Variants in SPTBN2 observed in about 807,000 individuals in gnomAD.
SPTBN2 encodes spectrin beta chain, non-erythrocytic 2.
In SPTBN2, 107 loss-of-function variants were observed where a neutral mutation model predicts 284.2. The ratio of observed to expected loss-of-function variants is 0.38; its 90% CI spans 0.32 to 0.44. The LOEUF (loss-of-function observed/expected upper bound fraction) is 0.44, where lower values mean the gene tolerates loss of function less well. Ranked by LOEUF, SPTBN2 falls within the 20% of genes least tolerant of loss-of-function variation. The probability of loss-of-function intolerance (pLI) is 1.00; values close to 1 mark genes in which losing one functional copy is unlikely to be tolerated. For synonymous variants in SPTBN2, 1,289 were observed against 1,354.8 expected (o/e 0.95, Z 1.07); for missense variants, 2,569 against 3,287.1 (o/e 0.78, Z 5.34).
Position 66,710,329 on chromosome 11 carries a change from C to A in SPTBN2, c.1073+253G>T, listed in dbSNP as rs1259471127. Among the ~76,000 whole-genome samples the A allele has an allele frequency of 6.6e-6, 1 of 151,662 alleles. No homozygotes were observed. The highest frequency in any genetic ancestry group is 1.5e-5 in the Non-Finnish European group (1 of 67,880). On this transcript the variant is annotated intron_variant, in intron 10 of 37. Coordinates refer to ENST00000533211, the MANE Select transcript of SPTBN2 (RefSeq NM_006946.4). This position sits in a 1 kb window ranked among gnomAD's most constrained non-coding sequence, Gnocchi z 4.9. ...GGCCAGACTGGTCTCGGTGATGCGC[C>A]CGCCTTGGCCTCCCAAAGTGCTGGG...
At chr11:66,713,023 A>G (rs1360556457) in intron 8 of SPTBN2, 1 of 155,648 alleles carries the variant, frequency 6.4e-6, no homozygotes, top group Non-Finnish European at 1.4e-5. Flanking sequence ...ATGTAGCTTA[A>G]TTTAGAATCC....
chr11:66,741,522 G>T (rs1942895606), intron 1 of SPTBN2, among the ~76,000 whole-genome samples: 1 of 152,186 alleles, frequency 6.6e-6, no homozygotes, highest in Non-Finnish European at 1.5e-5. Context: ...TGAGGTGGGT[G>T]CAGAAATGGA....
chr11:66,740,481 C>G lies in SPTBN2; in HGVS notation c.-475+4061G>C, dbSNP rs544330476. ...CCCTGTCTGACCCCTGATAAGAAAG[C>G]AGAGGGAGGTGAGTGGTGAAGCTGC... On this transcript the variant is annotated intron_variant, in intron 1 of 37. Coordinates refer to the SPTBN2 transcript ENST00000611817. 7.9e-5 allele frequency among the ~76,000 whole-genome samples: 12 copies of G among 152,224 alleles called. No homozygotes were observed. The South Asian group carries it at 2.5e-3, about 32-fold the overall frequency.
intron 16 of SPTBN2, 58 bp from the exon 17 acceptor site, chr11:66,701,340 T>G: frequency 6.3e-7 from 1 of 1,594,470 alleles, no homozygotes; most frequent in Non-Finnish European, 8.5e-7. Context: ...TGGAAGCTTC[T>G]TCCCTGCTTC....
chr11:66,718,688 T>G lies in SPTBN2; in HGVS notation c.157+2396A>C, dbSNP rs924871404. On this transcript the variant is annotated intron_variant, in intron 3 of 37. Transcript: ENST00000533211. This position sits in a 1 kb window ranked among gnomAD's most constrained non-coding sequence, Gnocchi z 4.8. ...GCTCCCCGCTGGCAGGGGGCCAGTT[T>G]CTGTTCCCCAGTGGAACCTCAGGCT... Among the ~76,000 whole-genome samples the G allele has an allele frequency of 1.3e-5, 2 of 152,222 alleles. No homozygotes were observed. Among genetic ancestry groups the G allele is most frequent in the Non-Finnish European group, 2.9e-5 (2 of 68,038 alleles).
intron 7 of SPTBN2, 118 bp downstream of exon 7, chr11:66,713,973 G>A (rs1258602310): frequency 1.8e-6 from 2 of 1,116,994 alleles, no homozygotes; most frequent in Non-Finnish European, 2.7e-6. Flanking sequence ...TCTGCTCCGA[G>A]TGCTATTCCT....
upstream of SPTBN2, among the ~76,000 whole-genome samples, chr11:66,733,633 G>C (rs191056758): frequency 6.8e-4 from 103 of 152,206 alleles, no homozygotes; most frequent in African/African-American, 2.3e-3. Flanking sequence ...GGGAGGTCTG[G>C]ACTTAAGATA....
At position 66,693,109 on chromosome 11, in the gene SPTBN2, A is replaced by G; in HGVS notation, c.4855-9T>C. On this transcript the variant is annotated splice_polypyrimidine_tract_variant and intron_variant, in intron 24 of 37. Coordinates refer to ENST00000533211, the MANE Select transcript of SPTBN2 (RefSeq NM_006946.4). This position sits in a 1 kb window ranked among gnomAD's most constrained non-coding sequence, Gnocchi z 5.7. Reference sequence around the variant, plus strand: ...TGGGCACTCAGCTCATCCTGGGGGAAGGGACAGTGGCATCCAGCATCAGGT... The same window carrying G: ...TGGGCACTCAGCTCATCCTGGGGGAGGGGACAGTGGCATCCAGCATCAGGT... The G allele has an allele frequency of 6.2e-7, 1 of 1,614,210 alleles. No individual in the cohort carries two copies. Among genetic ancestry groups the G allele is most frequent in the Non-Finnish European group, 8.5e-7 (1 of 1,180,036 alleles).
intron 1 of SPTBN2, among the ~76,000 whole-genome samples, chr11:66,742,816 G>A (rs1432211209): frequency 1.3e-5 from 2 of 152,052 alleles, no homozygotes; most frequent in African/African-American, 2.4e-5. Context: ...CACCATGTTG[G>A]CTGGGCTGGT....
At chr11:66,720,926 C>T (rs976597794) in intron 3 of SPTBN2, among the ~76,000 whole-genome samples, 158 bp downstream of exon 3, 27 of 152,074 alleles carry the variant, frequency 1.8e-4, no homozygotes, top group African/African-American at 5.8e-4. Flanking sequence ...GGAGCCTATT[C>T]TTGAGGCTGG....
chr11:66,723,857 AG>A (rs1241953469), intron 1 of SPTBN2, among the ~76,000 whole-genome samples: 2 of 152,186 alleles, frequency 1.3e-5, no homozygotes, highest in African/African-American at 4.8e-5. Flanking sequence ...TAGACGGGAA[AG>A]TAGTCCACAC....
chr11:66,734,373 A>G (rs962311605), intron 1 of SPTBN2, among the ~76,000 whole-genome samples: 4 of 152,156 alleles, frequency 2.6e-5, no homozygotes, highest in African/African-American at 9.7e-5. Flanking sequence ...GACAAAGTCC[A>G]AAGTTCTTAA....
chr11:66,701,323 G>A (rs1941235957), intron 16 of SPTBN2, 41 bp from the exon 17 acceptor site: 3 of 1,606,114 alleles, frequency 1.9e-6, no homozygotes, highest in African/African-American at 2.7e-5. Flanking sequence ...CCCTGGCCAG[G>A]CCTGTTTGGA....
Position 66,691,239 on chromosome 11 carries a change from T to C in SPTBN2, c.5565+45A>G, listed in dbSNP as rs1940522589. 1.3e-6 allele frequency: 2 copies of C among 1,504,120 alleles called. No homozygotes were observed. The highest frequency in any genetic ancestry group is 1.8e-6 in the Non-Finnish European group (2 of 1,125,740). 93.2% of individuals were successfully genotyped at this position (1,504,120 alleles called of 1,614,324 possible). On this transcript the variant is annotated intron_variant, in intron 27 of 37. Transcript: ENST00000533211. This position sits in a 1 kb window ranked among gnomAD's most constrained non-coding sequence, Gnocchi z 8.0. ...GGAACTCTCCCCGGCATTTCCCCCA[T>C]GGCCTCCTCTAAGCCTCCCCCACCT...
Position 66,716,076 on chromosome 11 carries a change from G to C in SPTBN2, c.158-95C>G. The C allele has an allele frequency of 5.1e-6, 8 of 1,555,376 alleles. No homozygotes were observed. The South Asian group carries it at 9.0e-5, about 18-fold the overall frequency. On this transcript the variant is annotated intron_variant, in intron 3 of 37. Coordinates refer to ENST00000533211, the MANE Select transcript of SPTBN2 (RefSeq NM_006946.4). ...AGGGGTGGGGGATGGAGAAGCCTGA[G>C]AGATGGGAAGCGGGGTCCTCTAAGG...
Position 66,683,548 on chromosome 11 carries a change from AT to A in SPTBN2, c.*2322del, listed in dbSNP as rs148269393. Reference sequence around the variant, plus strand: ...GTTTTCTGACTTAATTCCTGACACTATGCTTCCCCTCTTCTATGTCCTGTTC... The same window carrying A: ...GTTTTCTGACTTAATTCCTGACACTAGCTTCCCCTCTTCTATGTCCTGTTC... On this transcript the variant is annotated 3_prime_UTR_variant, in exon 38 of 38. Coordinates refer to ENST00000533211, the MANE Select transcript of SPTBN2 (RefSeq NM_006946.4). 0.032 allele frequency among the ~76,000 whole-genome samples: 4,818 copies of A among 152,148 alleles called. 264 individuals carry two copies. The highest frequency in any genetic ancestry group is 0.11 in the African/African-American group (4,556 of 41,496).
At chr11:66,736,069 A>G (rs1942849788) in intron 1 of SPTBN2, among the ~76,000 whole-genome samples, 1 of 152,192 alleles carries the variant, frequency 6.6e-6, no homozygotes, top group Non-Finnish European at 1.5e-5. Flanking sequence ...AAGGATAATC[A>G]AGTATTCGAA....
rs1272630539 is a variant in SPTBN2, at chr11:66,715,889, C to T, written c.250G>A (p.Asp84Asn). 8.1e-6 allele frequency: 13 copies of T among 1,614,132 alleles called. No homozygotes were observed. Among genetic ancestry groups the T allele is most frequent in the Non-Finnish European group, 1.1e-5 (13 of 1,180,030 alleles). Residue 84 changes from aspartate to asparagine, a missense_variant, in exon 4 of 38, where the codon GAC becomes AAC. Asp to Asn is a conservative substitution (Grantham distance 23). Around this residue, in one of 6 missense-constraint regions of SPTBN2, gnomAD observed 304 missense variants for 522.1 expected, o/e 0.58. Coordinates refer to ENST00000533211, the MANE Select transcript of SPTBN2 (RefSeq NM_006946.4). This position sits in a 1 kb window ranked among gnomAD's most constrained non-coding sequence, Gnocchi z 5.3. ...AGCAGGTTGCGTCCGTCCCGGAGGT[C>T]GCTGTACAGGTCCCCCACCCGGCAC... ...VTCRVGDLYS[D>N]LRDGRNLLRL...
rs752734267 is a variant in SPTBN2 at position 66,703,459 on chromosome 11, G to A, written c.2678+1139C>T. Among the ~76,000 whole-genome samples the A allele has an allele frequency of 8.6e-5, 13 of 151,958 alleles. No individual in the cohort carries two copies. In the South Asian group the frequency reaches 1.5e-3, roughly 17 times the overall value. ...CATATCAAGAAATTCCTGACCCGGC[G>A]CAGTGGCTCATGCCTGTAATCCCAG... On this transcript the variant is annotated intron_variant, in intron 15 of 37. Coordinates refer to ENST00000533211, the MANE Select transcript of SPTBN2 (RefSeq NM_006946.4).
Sources: gnomAD v4.1 joint callset for allele counts (sites outside exome capture counted in the v4.1 genomes callset) on GRCh38, gnomAD v4.1.1 for gene constraint, gnomAD v4.1.1 regional missense constraint, Gnocchi (gnomAD v3.1) non-coding constraint, MANE v1.5 for transcripts, NCBI Gene and HGNC (gene_info 2026-07-23, HGNC 2026-07-21) for gene names.